Variants in DLG2 observed in about 807,000 individuals in gnomAD.
DLG2 encodes the protein discs large MAGUK scaffold protein 2, also known as disks large homolog 2.
In DLG2, 45 loss-of-function variants were observed where a neutral mutation model predicts 132.5. The observed-to-expected ratio is 0.34, with a 90% CI of 0.27 to 0.44. The LOEUF (loss-of-function observed/expected upper bound fraction) is 0.44. DLG2 is among the 20% of genes least tolerant of loss of function. The pLI is 1.00. For missense variants in DLG2, 1,045 were observed against 1,196.9 expected (o/e 0.87, Z 1.87); for synonymous variants, 424 against 419.6 (o/e 1.01, Z -0.13).
chr11:84,692,106 T>C (rs556503387), intron 6 of DLG2, among the ~76,000 whole-genome samples: 16 of 151,854 alleles, frequency 1.1e-4, no homozygotes, highest in African/African-American at 3.6e-4. Flanking sequence ...GTGATTAGCA[T>C]CATGTTCAGC....
intron 7 of DLG2, among the ~76,000 whole-genome samples, chr11:84,356,120 G>T (rs929335182): frequency 5.3e-5 from 8 of 152,104 alleles, no homozygotes; most frequent in Non-Finnish European, 1.2e-4. Flanking sequence ...AAGCACCTAA[G>T]ATAAATGCTT....
At chr11:83,634,213 T>C (rs749750545) in intron 18 of DLG2, among the ~76,000 whole-genome samples, 10 of 152,128 alleles carry the variant, frequency 6.6e-5, no homozygotes, top group African/African-American at 1.4e-4. Context: ...TTTTCAAACA[T>C]TAAAAGTTAT....
chr11:85,341,197 C>T (rs2082474351), intron 3 of DLG2, among the ~76,000 whole-genome samples: 2 of 152,130 alleles, frequency 1.3e-5, no homozygotes, highest in African/African-American at 4.8e-5. Flanking sequence ...CAGCTCACTG[C>T]AAGCTCCACC....
intron 6 of DLG2, among the ~76,000 whole-genome samples, chr11:84,675,921 G>T (rs1304063084): frequency 6.6e-6 from 1 of 151,980 alleles, no homozygotes; most frequent in Non-Finnish European, 1.5e-5. Context: ...TAGTTTCCTG[G>T]ATATGTGTGC....
At chr11:84,845,418 C>G (rs926547951) in intron 6 of DLG2, among the ~76,000 whole-genome samples, 9 of 151,992 alleles carry the variant, frequency 5.9e-5, no homozygotes, top group Admixed American at 2.0e-4. Flanking sequence ...TAGATTCTAA[C>G]AGAGGACAAA....
chr11:85,402,730 CAT>C (rs1322380734), intron 3 of DLG2, among the ~76,000 whole-genome samples: 22 of 152,132 alleles, frequency 1.4e-4, no homozygotes, highest in African/African-American at 4.1e-4. Context: ...AGCCAACAGA[CAT>C]ATGAAAAAAT....
intron 4 of DLG2, among the ~76,000 whole-genome samples, chr11:85,270,276 G>A (rs2077447919): frequency 6.6e-6 from 1 of 152,136 alleles, no homozygotes; most frequent in Non-Finnish European, 1.5e-5. Context: ...ATGGTTTTAT[G>A]AAGGGGAGTT....
At chr11:84,570,991 A>G (rs2099481513) in intron 6 of DLG2, among the ~76,000 whole-genome samples, 1 of 152,174 alleles carries the variant, frequency 6.6e-6, no homozygotes, top group Non-Finnish European at 1.5e-5. Context: ...CTAAAATTAG[A>G]GAACAGTTAG....
intron 3 of DLG2, among the ~76,000 whole-genome samples, chr11:85,309,047 G>C (rs2080146897): frequency 6.6e-6 from 1 of 152,050 alleles, no homozygotes; most frequent in Admixed American, 6.6e-5. Flanking sequence ...AGAAAATAAT[G>C]ATATGCCAAT....
chr11:85,533,007 T>TTTG (rs142405019), intron 3 of DLG2, among the ~76,000 whole-genome samples: 7,609 of 151,198 alleles, frequency 0.05, 199 homozygotes, highest in Middle Eastern at 0.083. Flanking sequence ...CTAAGGTGTT[T>TTTG]TTGTTGTTGT....
intron 3 of DLG2, among the ~76,000 whole-genome samples, chr11:85,568,883 T>C (rs1344908162): frequency 6.6e-6 from 1 of 152,192 alleles, no homozygotes; most frequent in Non-Finnish European, 1.5e-5. Flanking sequence ...TTCTCTCTGT[T>C]GTATTTCTAT....
At chr11:85,167,221 T>G (rs2078516597) in intron 4 of DLG2, among the ~76,000 whole-genome samples, 1 of 152,158 alleles carries the variant, frequency 6.6e-6, no homozygotes, top group Non-Finnish European at 1.5e-5. Context: ...GAATGTCAAG[T>G]GTACAGATCA....
intron 18 of DLG2, among the ~76,000 whole-genome samples, chr11:83,650,009 G>C (rs1314177229): frequency 6.6e-6 from 1 of 152,188 alleles, no homozygotes; most frequent in Non-Finnish European, 1.5e-5. Context: ...TTTGCCCCTA[G>C]TTATCCTGAT....
chr11:85,113,347 C>A (rs2073070187), intron 5 of DLG2, among the ~76,000 whole-genome samples: 4 of 152,154 alleles, frequency 2.6e-5, no homozygotes, highest in Admixed American at 6.6e-5. Flanking sequence ...TGAGAACACA[C>A]AACATATTCA....
At chr11:85,140,147 T>C (rs1001240241) in intron 5 of DLG2, among the ~76,000 whole-genome samples, 19 of 151,992 alleles carry the variant, frequency 1.3e-4, no homozygotes, top group African/African-American at 3.9e-4. Flanking sequence ...TTTTACAAGA[T>C]TGTGCTTTCA....
At chr11:85,383,437 C>A (rs952116905) in intron 3 of DLG2, among the ~76,000 whole-genome samples, 5 of 152,062 alleles carry the variant, frequency 3.3e-5, no homozygotes, top group African/African-American at 1.2e-4. Flanking sequence ...GAATTGTGTA[C>A]TTTAAAGGAT....
intron 5 of DLG2, among the ~76,000 whole-genome samples, chr11:85,142,983 A>G (rs1276919883): frequency 6.6e-6 from 1 of 151,754 alleles, no homozygotes; most frequent in Middle Eastern, 3.2e-3. Context: ...TTTTGCATCT[A>G]TGTTCATCAG....
At chr11:84,069,568 C>A (rs1339021243) in intron 10 of DLG2, among the ~76,000 whole-genome samples, 1 of 152,198 alleles carries the variant, frequency 6.6e-6, no homozygotes, top group Non-Finnish European at 1.5e-5. Flanking sequence ...CTGCTCTCGT[C>A]TCTAACTCTG....
rs187995712 is a variant in DLG2 at position 85,426,639 on chromosome 11, T to C, written c.41-141274A>G. On this transcript the variant is annotated intron_variant, in intron 3 of 27. Coordinates refer to ENST00000376104, the MANE Select transcript of DLG2 (RefSeq NM_001142699.3). Reference sequence around the variant, plus strand: ...AAACCCCATCTGTACGTTACCATCATCAAAGACCAAAGGTAGATAAAACCA... The same window carrying C: ...AAACCCCATCTGTACGTTACCATCACCAAAGACCAAAGGTAGATAAAACCA... Among the ~76,000 whole-genome samples, 397 of 152,068 alleles carry C rather than the reference T, an allele frequency of 2.6e-3. 3 individuals carry two copies. Among genetic ancestry groups the C allele is most frequent in the Non-Finnish European group, 4.5e-3 (305 of 67,990 alleles).
Sources: allele counts gnomAD v4.1 joint callset (sites outside exome capture counted in the v4.1 genomes callset), GRCh38; gene constraint gnomAD v4.1.1; transcripts MANE v1.5; gene names NCBI Gene and HGNC (gene_info 2026-07-23, HGNC 2026-07-21).